Variants in NEGR1 observed in about 807,000 individuals in gnomAD.
NEGR1 encodes the protein IgLON family member 4.
Under a neutral mutation model 40.9 loss-of-function variants are expected in NEGR1, and 10 were observed. That is an observed-to-expected ratio of 0.24 (90% CI 0.15 to 0.42). The LOEUF (loss-of-function observed/expected upper bound fraction) is 0.42, where lower values mean the gene tolerates loss of function less well. Ranked by LOEUF, NEGR1 falls within the 10% of genes least tolerant of loss-of-function variation. The pLI is 1.00. For missense variants in NEGR1, 352 were observed against 438.9 expected (o/e 0.80, Z 1.77); for synonymous variants, 185 against 166.8 (o/e 1.11, Z -0.84).
At chr1:72,059,910 T>A (rs1647150494) in intron 1 of NEGR1, among the ~76,000 whole-genome samples, 1 of 151,642 alleles carries the variant, frequency 6.6e-6, no homozygotes. Flanking sequence ...AAAGGAAACA[T>A]CCCTGCTTGA....
At chr1:71,412,177 C>T (rs1646327370) in intron 6 of NEGR1, among the ~76,000 whole-genome samples, 1 of 152,080 alleles carries the variant, frequency 6.6e-6, no homozygotes, top group African/African-American at 2.4e-5. Context: ...TCAACTTATC[C>T]AGACTCACAC....
chr1:71,440,645 G>A (rs1646541189), intron 6 of NEGR1, among the ~76,000 whole-genome samples: 1 of 152,160 alleles, frequency 6.6e-6, no homozygotes, highest in Admixed American at 6.6e-5. Flanking sequence ...AACCTCAGCT[G>A]GGAGCTTGTT....
intron 2 of NEGR1, among the ~76,000 whole-genome samples, chr1:71,779,725 G>A (rs1179915140): frequency 3.3e-5 from 5 of 151,750 alleles, no homozygotes; most frequent in African/African-American, 7.3e-5. Context: ...CTGCCACTGC[G>A]CCCAGCTAAT....
At chr1:72,064,502 AAC>A (rs1212092505) in intron 1 of NEGR1, among the ~76,000 whole-genome samples, 1 of 152,072 alleles carries the variant, frequency 6.6e-6, no homozygotes, top group Non-Finnish European at 1.5e-5. Flanking sequence ...ATCAAATCAG[AAC>A]ACAGTGGCCC....
intron 4 of NEGR1, among the ~76,000 whole-genome samples, chr1:71,686,290 A>G (rs1653033755): frequency 6.6e-6 from 1 of 152,108 alleles, no homozygotes; most frequent in Non-Finnish European, 1.5e-5. Flanking sequence ...CAAACATACA[A>G]TGAGGCAACA....
At chr1:72,178,458 C>T (rs1367272204) in intron 1 of NEGR1, among the ~76,000 whole-genome samples, 2 of 151,534 alleles carry the variant, frequency 1.3e-5, no homozygotes, top group Non-Finnish European at 2.9e-5. Flanking sequence ...CTTGACAGCT[C>T]ACATAAAAAA....
At chr1:71,964,161 G>T (rs1245214801) in intron 1 of NEGR1, among the ~76,000 whole-genome samples, 2 of 152,124 alleles carry the variant, frequency 1.3e-5, no homozygotes, top group African/African-American at 4.8e-5. Context: ...GTGGCAGACT[G>T]TATTTTACAA....
At chr1:72,048,607 C>A (rs1056966366) in intron 1 of NEGR1, among the ~76,000 whole-genome samples, 3 of 151,500 alleles carry the variant, frequency 2.0e-5, no homozygotes, top group African/African-American at 7.3e-5. Flanking sequence ...GGGACAGGAA[C>A]AAGCCTTACA....
chr1:71,820,379 C>A (rs918018401), intron 2 of NEGR1, among the ~76,000 whole-genome samples: 2 of 151,960 alleles, frequency 1.3e-5, no homozygotes, highest in Admixed American at 1.3e-4. Context: ...GGAGTAAGGA[C>A]TCCACAATTA....
chr1:71,641,969 T>C (rs1229138359), intron 4 of NEGR1, among the ~76,000 whole-genome samples: 1 of 152,030 alleles, frequency 6.6e-6, no homozygotes, highest in East Asian at 1.9e-4. Flanking sequence ...GGATGATCCA[T>C]ATGCTTGGGG....
At chr1:71,708,676 G>A (rs1198265047) in intron 3 of NEGR1, among the ~76,000 whole-genome samples, 1 of 152,008 alleles carries the variant, frequency 6.6e-6, no homozygotes, top group Non-Finnish European at 1.5e-5. Flanking sequence ...TATCATGGTA[G>A]TTTGGCACAC....
At chr1:71,509,541 C>G (rs1647059274) in intron 6 of NEGR1, among the ~76,000 whole-genome samples, 1 of 152,164 alleles carries the variant, frequency 6.6e-6, no homozygotes, top group Admixed American at 6.5e-5. Flanking sequence ...AACTTGTTAC[C>G]ATACAATTGG....
chr1:71,643,540 C>T (rs1457574191), intron 4 of NEGR1, among the ~76,000 whole-genome samples: 1 of 151,894 alleles, frequency 6.6e-6, no homozygotes, highest in Non-Finnish European at 1.5e-5. Flanking sequence ...CTCTGTGTTT[C>T]CAAGACCCAC....
At chr1:72,072,647 C>G (rs1185011670) in intron 1 of NEGR1, among the ~76,000 whole-genome samples, 1 of 152,060 alleles carries the variant, frequency 6.6e-6, no homozygotes, top group Non-Finnish European at 1.5e-5. Flanking sequence ...TTTGATCTAG[C>G]CTCTGAAGGA....
intron 6 of NEGR1, among the ~76,000 whole-genome samples, chr1:71,457,164 TCCACC>T (rs548895991): frequency 6.6e-6 from 1 of 152,126 alleles, no homozygotes; most frequent in Non-Finnish European, 1.5e-5. Context: ...TACCACATTC[TCCACC>T]CCACCCCACC....
At chr1:71,712,278 A>G (rs1021747325) in intron 3 of NEGR1, among the ~76,000 whole-genome samples, 1 of 152,202 alleles carries the variant, frequency 6.6e-6, no homozygotes, top group Non-Finnish European at 1.5e-5. Flanking sequence ...CATCACATAG[A>G]ACAGTTTTTC....
intron 1 of NEGR1, among the ~76,000 whole-genome samples, chr1:72,135,422 C>CAAAAAAAAAAAAAAAAAAAAAAAACCA (rs71074820): frequency 9.8e-6 from 1 of 102,266 alleles, no homozygotes; most frequent in Non-Finnish European, 1.9e-5. Flanking sequence ...AAAACAAAAC[C>CAAAAAAAAAAAAAAAAAAAAAAAACCA]AAAAAAAAAA....
At chr1:71,583,889 T>C (rs1034938680) in intron 6 of NEGR1, among the ~76,000 whole-genome samples, 2 of 152,164 alleles carry the variant, frequency 1.3e-5, no homozygotes, top group African/African-American at 4.8e-5. Context: ...TTGGATTGAC[T>C]CAAAGAAAGG....
rs751629193 is a variant in NEGR1, at chr1:71,698,144, A to G, written c.536-5T>C. ...GTCCATTTTCAAATGGTTTTGCTAT[A>G]AAAAAGAATACAGCATGTTTAATTG... On this transcript the variant is annotated splice_region_variant and splice_polypyrimidine_tract_variant and intron_variant, in intron 3 of 6. Coordinates refer to ENST00000357731, the MANE Select transcript of NEGR1 (RefSeq NM_173808.3). 2.5e-6 allele frequency: 4 copies of G among 1,608,660 alleles called. No homozygotes were observed. The highest frequency in any genetic ancestry group is 3.4e-6 in the Non-Finnish European group (4 of 1,176,818).
Sources: gnomAD v4.1 joint callset for allele counts (sites outside exome capture counted in the v4.1 genomes callset) on GRCh38, gnomAD v4.1.1 for gene constraint, MANE v1.5 for transcripts, NCBI Gene and HGNC (gene_info 2026-07-23, HGNC 2026-07-21) for gene names.